The following VPS13D variants were observed in gnomAD, a reference collection of about 807,000 sequenced individuals.
The protein encoded by VPS13D is vacuolar protein sorting 13 homolog D, also known as intermembrane lipid transfer protein VPS13D.
A neutral mutation model predicts 461.9 loss-of-function variants in VPS13D; 187 were observed. The observed-to-expected ratio is 0.40, with a 90% confidence interval of 0.36 to 0.46. The LOEUF (loss-of-function observed/expected upper bound fraction) is 0.46, where lower values mean the gene tolerates loss of function less well. Ranked by LOEUF, VPS13D falls within the 20% of genes least tolerant of loss-of-function variation. The pLI is 0.60. For missense variants in VPS13D, 4,711 were observed against 5,364.9 expected (o/e 0.88, Z 3.81); for synonymous variants, 1,951 against 1,986.3 (o/e 0.98, Z 0.47).
chr1:12,275,891 A>G lies in VPS13D; in HGVS notation c.2303A>G (p.Tyr768Cys). Residue 768 changes from tyrosine (Y) to cysteine (C), a missense_variant, in exon 19 of 70, where the codon TAT becomes TGT. This residue lies in a region of VPS13D where 4,411 missense variants were observed against 4,937.8 expected (regional missense o/e 0.89). Coordinates refer to ENST00000620676, the MANE Select transcript of VPS13D (RefSeq NM_015378.4). Reference sequence around the variant, plus strand: ...GAGACCCAGTTTAGTGATGATGAATATAAGACCCCCCTGGCCACACCTCCT... The same window carrying G: ...GAGACCCAGTTTAGTGATGATGAATGTAAGACCCCCCTGGCCACACCTCCT... ...SEETQFSDDE[Y>C]KTPLATPPNT... The G allele has an allele frequency of 6.2e-7, 1 of 1,613,674 alleles. No individual in the cohort carries two copies. Among genetic ancestry groups the G allele is most frequent in the Non-Finnish European group, 8.5e-7 (1 of 1,179,892 alleles).
rs531012459 is a variant in VPS13D, at chr1:12,280,181, C to T, written c.4602+531C>T. On this transcript the variant is annotated intron_variant, in intron 20 of 69. Transcript: ENST00000620676. ...GTCATTTTCCCTGATTTCACAGGGA[C>T]GAGAGCAAAGAGTAGTACATTATAA... Among the ~76,000 whole-genome samples the T allele has an allele frequency of 3.1e-4, 47 of 152,122 alleles. No homozygotes were observed. In the South Asian group the frequency reaches 9.3e-3, roughly 30 times the overall value.
At position 12,299,278 on chromosome 1, in the gene VPS13D, A is replaced by G. The variant is rs1186343188; in HGVS notation, c.6110A>G (p.Glu2037Gly). 2 of 1,614,042 alleles carry G rather than the reference A, an allele frequency of 1.2e-6. No homozygotes were observed. The highest frequency in any genetic ancestry group is 1.3e-5 in the African/African-American group (1 of 75,046). ...GGTGCTCCCGTTCTCTTGATCCCAG[A>G]AAGTTCCAGATCAAATAATCTGATT... The part of the protein sequence containing the change: ...EAGAPVLLIP[E>G]SSRSNNLIVA... Residue 2037 changes from glutamate to glycine, a missense_variant, in exon 25 of 70, where the codon GAA (glutamate) becomes GGA (glycine). Physicochemically the swap from Glu to Gly is moderately conservative, Grantham distance 98. Coordinates refer to ENST00000620676, the MANE Select transcript of VPS13D (RefSeq NM_015378.4). The surrounding 1 kb of genome is among the most constrained non-coding windows in gnomAD (Gnocchi z 4.2).
chr1:12,358,291 C>A (rs1481310163), intron 49 of VPS13D, among the ~76,000 whole-genome samples, 168 bp from the exon 50 acceptor site: 1 of 152,162 alleles, frequency 6.6e-6, no homozygotes, highest in Admixed American at 6.5e-5. Flanking sequence ...CAGCTTTAAC[C>A]ACTGATGAAT....
At chr1:12,500,288 T>G (rs1646018947) in intron 68 of VPS13D, 2 of 924,218 alleles carry the variant, frequency 2.2e-6, no homozygotes, top group African/African-American at 3.6e-5. Flanking sequence ...TCTGATAAGT[T>G]GCACAATTGT....
intron 21 of VPS13D, among the ~76,000 whole-genome samples, chr1:12,285,321 C>T (rs1383221458): frequency 2.7e-5 from 4 of 146,332 alleles, no homozygotes; most frequent in East Asian, 2.0e-4. Context: ...GACGGAGTCT[C>T]GCTCTGTCGC....
At chr1:12,439,833 C>T (rs974905226) in intron 65 of VPS13D, among the ~76,000 whole-genome samples, 3 of 152,074 alleles carry the variant, frequency 2.0e-5, no homozygotes, top group Non-Finnish European at 4.4e-5. Flanking sequence ...GAGAAGTTTC[C>T]CAAGATCACG....
intron 46 of VPS13D, among the ~76,000 whole-genome samples, chr1:12,353,267 C>T (rs1643843115): frequency 6.6e-6 from 1 of 151,980 alleles, no homozygotes; most frequent in African/African-American, 2.4e-5. Context: ...GGTGCGGTGG[C>T]TCACGCGTGT....
chr1:12,311,953 G>C (rs1194014636), intron 29 of VPS13D, 28 bp downstream of exon 29: 1 of 1,556,722 alleles, frequency 6.4e-7, no homozygotes, highest in South Asian at 1.1e-5. Context: ...TTATTATACT[G>C]TTAGTAACAG....
intron 24 of VPS13D, among the ~76,000 whole-genome samples, chr1:12,298,794 T>C (rs2101454002): frequency 6.6e-6 from 1 of 152,346 alleles, no homozygotes; most frequent in African/African-American, 2.4e-5. Context: ...ACTTTTCTTT[T>C]TCCAGCTTCT....
chr1:12,350,879 A>G (rs971461941), intron 46 of VPS13D, among the ~76,000 whole-genome samples: 3 of 152,220 alleles, frequency 2.0e-5, no homozygotes, highest in African/African-American at 4.8e-5. Flanking sequence ...TACAGATCCT[A>G]TAGACATAAA....
chr1:12,381,922 TTTTCTTTC>T (rs35247625), intron 57 of VPS13D, among the ~76,000 whole-genome samples: 3,145 of 101,014 alleles, frequency 0.031, 59 homozygotes, highest in East Asian at 0.12. Context: ...CTTTCTTTTC[TTTTCTTTC>T]TTTCTTTCTT....
At chr1:12,258,331 G>A (rs552401317) in intron 10 of VPS13D, among the ~76,000 whole-genome samples, 229 of 152,286 alleles carry the variant, frequency 1.5e-3, no homozygotes, top group African/African-American at 5.0e-3. Flanking sequence ...AAAAGACACC[G>A]TGGTCCTGCT....
At chr1:12,381,926 C>CTTTTCT (rs1365247728) in intron 57 of VPS13D, among the ~76,000 whole-genome samples, 222 of 46,596 alleles carry the variant, frequency 4.8e-3, no homozygotes, top group African/African-American at 0.013. Flanking sequence ...CTTTTCTTTT[C>CTTTTCT]TTTCTTTCTT....
Position 12,277,305 on chromosome 1 carries a change from G to A in VPS13D, c.3717G>A (p.Gly1239=), listed in dbSNP as rs1360241271. 1 of 1,614,066 alleles carries A rather than the reference G, an allele frequency of 6.2e-7. No homozygotes were observed. The highest frequency in any genetic ancestry group is 1.3e-5 in the African/African-American group (1 of 74,918). ...NVKNQYVVSI[G]NSVGYENIIS... is the part of the protein sequence containing the mutation. ...AAAACCAGTATGTTGTCAGCATTGG[G>A]AATTCTGTAGGCTATGAAAATATCA... The change falls in exon 19 of 70, where the codon GGG becomes GGA. Residue 1239 remains glycine, a synonymous_variant. Transcript: ENST00000620676.
intron 6 of VPS13D, among the ~76,000 whole-genome samples, chr1:12,250,133 ATATC>A (rs1225863849): frequency 6.6e-6 from 1 of 152,214 alleles, no homozygotes; most frequent in Non-Finnish European, 1.5e-5. Flanking sequence ...ATACAGGTGA[ATATC>A]TAGATAAAGA....
chr1:12,235,669 C>T (rs1054229002), intron 2 of VPS13D, among the ~76,000 whole-genome samples: 1 of 152,194 alleles, frequency 6.6e-6, no homozygotes, highest in African/African-American at 2.4e-5. Flanking sequence ...CCGTCATGGT[C>T]ACGCCTCCCC....
At chr1:12,416,518 G>GA in intron 64 of VPS13D, 142 bp from the exon 65 acceptor site, 1 of 878,774 alleles carries the variant, frequency 1.1e-6, no homozygotes, top group Non-Finnish European at 1.7e-6. Context: ...AGTTGATGAA[G>GA]ATTAAAAGCT....
At chr1:12,356,273 CTG>C in intron 48 of VPS13D, 123 bp from the exon 49 acceptor site, 4 of 1,410,922 alleles carry the variant, frequency 2.8e-6, no homozygotes, top group Non-Finnish European at 3.8e-6. Context: ...AGGCAAGAAA[CTG>C]AGCCCACTAA....
intron 67 of VPS13D, among the ~76,000 whole-genome samples, chr1:12,496,501 T>C (rs1220435547): frequency 6.6e-6 from 1 of 152,266 alleles, no homozygotes; most frequent in African/African-American, 2.4e-5. Flanking sequence ...TTCCTGTTTC[T>C]GAAGTGCTGA....
Sources: allele counts gnomAD v4.1 joint callset (sites outside exome capture counted in the v4.1 genomes callset), GRCh38; gene constraint gnomAD v4.1.1; regional missense constraint gnomAD v4.1.1; non-coding constraint Gnocchi (gnomAD v3.1); transcripts MANE v1.5; gene names NCBI Gene and HGNC (gene_info 2026-07-23, HGNC 2026-07-21).